Variants in CR1L observed in about 807,000 individuals in gnomAD.
CR1L encodes the protein complement component receptor 1-like protein.
Under a neutral mutation model 62.3 loss-of-function variants are expected in CR1L, and 59 were observed. That is an observed-to-expected ratio of 0.95 (90% CI 0.77 to 1.18). The LOEUF (loss-of-function observed/expected upper bound fraction) is 1.18, where lower values mean the gene tolerates loss of function less well. Among genes scored for constraint, CR1L ranks in the 50% most tolerant of loss-of-function variants. The probability of loss-of-function intolerance (pLI) is 0.00; values close to 1 mark genes in which losing one functional copy is unlikely to be tolerated. For synonymous variants in CR1L, 279 were observed against 248.7 expected, an observed-to-expected ratio of 1.12 and a Z score of -1.15; for missense variants, 700 against 702.8, an observed-to-expected ratio of 1.00 and a Z score of 0.04.
intron 4 of CR1L, among the ~76,000 whole-genome samples, chr1:207,685,741 T>C (rs1411720810): frequency 1.3e-5 from 2 of 152,102 alleles, no homozygotes; most frequent in Admixed American, 6.5e-5. Flanking sequence ...GTGAATGTTT[T>C]TCTCAAGCCT....
At chr1:207,703,271 A>G (rs1226190124) in intron 9 of CR1L, among the ~76,000 whole-genome samples, 1 of 152,218 alleles carries the variant, frequency 6.6e-6, no homozygotes, top group Non-Finnish European at 1.5e-5. Flanking sequence ...CCTGGGTTCA[A>G]AGCTTCAAAG....
chr1:207,690,867 C>T (rs558606263), intron 4 of CR1L, among the ~76,000 whole-genome samples: 1 of 152,270 alleles, frequency 6.6e-6, no homozygotes, highest in South Asian at 2.1e-4. Context: ...TGTGTGTGTC[C>T]TTTGCTCTTC....
chr1:207,714,417 A>G (rs968841189), intron 10 of CR1L, among the ~76,000 whole-genome samples: 2 of 152,214 alleles, frequency 1.3e-5, no homozygotes, highest in African/African-American at 4.8e-5. Context: ...TTCTCAAGCC[A>G]GTCCATGGAT....
At chr1:207,652,371 C>CA (rs1396715135) in intron 1 of CR1L, among the ~76,000 whole-genome samples, 1 of 152,218 alleles carries the variant, frequency 6.6e-6, no homozygotes, top group African/African-American at 2.4e-5. Context: ...TTAAAACATG[C>CA]AAATCCCATT....
intron 1 of CR1L, among the ~76,000 whole-genome samples, chr1:207,672,919 A>G (rs953957884): frequency 6.6e-6 from 1 of 152,168 alleles, no homozygotes; most frequent in African/African-American, 2.4e-5. Context: ...GACAGGCAAC[A>G]TCAAAACTGT....
intron 1 of CR1L, chr1:207,657,440 T>C (rs1663334833): frequency 5.3e-6 from 3 of 568,912 alleles, no homozygotes; most frequent in Non-Finnish European, 9.4e-6. Context: ...TTGGATCTAA[T>C]TTATTTTAAT....
chr1:207,662,734 T>A (rs6687863), intron 1 of CR1L, among the ~76,000 whole-genome samples: 83,042 of 151,940 alleles, frequency 0.55, 23,183 homozygotes, highest in East Asian at 0.68. Flanking sequence ...TGATTTTTAG[T>A]GTTTCCAGTT....
At chr1:207,664,145 T>C (rs7512100) in intron 1 of CR1L, among the ~76,000 whole-genome samples, 82,896 of 152,062 alleles carry the variant, frequency 0.55, 23,067 homozygotes, top group East Asian at 0.68. Flanking sequence ...TTTGATATGA[T>C]GGAAGGGATT....
chr1:207,710,823 C>T (rs1664344879), intron 10 of CR1L: 1 of 1,482,336 alleles, frequency 6.7e-7, no homozygotes, highest in Non-Finnish European at 9.4e-7. Context: ...CTGCAAGTGA[C>T]ATGCATTGCT....
intron 1 of CR1L, among the ~76,000 whole-genome samples, chr1:207,647,967 G>T (rs540200685): frequency 6.6e-6 from 1 of 152,076 alleles, no homozygotes; most frequent in African/African-American, 2.4e-5. Context: ...CATACAGCCT[G>T]GGCATCATAA....
intron 10 of CR1L, 122 bp downstream of exon 10, chr1:207,708,385 C>T (rs1426774259): frequency 1.2e-5 from 15 of 1,273,786 alleles, no homozygotes; most frequent in South Asian, 2.8e-5. Flanking sequence ...TTGAAGAATC[C>T]AGTCATATCC....
At chr1:207,706,659 A>G (rs1404745991) in intron 9 of CR1L, among the ~76,000 whole-genome samples, 2 of 152,230 alleles carry the variant, frequency 1.3e-5, no homozygotes, top group African/African-American at 4.8e-5. Context: ...AAATTGTAGA[A>G]GATAGCACTT....
intron 1 of CR1L, chr1:207,652,748 G>T: frequency 1.4e-6 from 1 of 728,346 alleles, no homozygotes; most frequent in South Asian, 1.5e-5. Context: ...AAATAAACTA[G>T]CCTTTTTTTT....
chr1:207,723,574 T>C (rs763777555), intron 11 of CR1L, 44 bp from the exon 12 acceptor site: 3 of 1,475,410 alleles, frequency 2.0e-6, no homozygotes, highest in South Asian at 1.2e-5. Context: ...TCAATCATGT[T>C]GCATGCCAGA....
chr1:207,697,886 T>C lies in CR1L; in HGVS notation c.1142+13T>C, dbSNP rs377666472. 6.2e-7 allele frequency: 1 copy of C among 1,613,398 alleles called. No homozygotes were observed. The highest frequency in any genetic ancestry group is 1.3e-5 in the African/African-American group (1 of 74,838). On this transcript the variant is annotated intron_variant, in intron 7 of 11. Coordinates refer to ENST00000508064, the MANE Select transcript of CR1L (RefSeq NM_175710.2). ...TTTGTGATGAAGGGTGAGTATGAGC[T>C]TGCCTGACCTGCTGGACATTGAAAT...
chr1:207,661,938 G>A (rs1484492607), intron 1 of CR1L, among the ~76,000 whole-genome samples: 1 of 152,140 alleles, frequency 6.6e-6, no homozygotes, highest in Admixed American at 6.5e-5. Context: ...ATTCTGGGTT[G>A]AAAATTCTTT....
chr1:207,683,953 T>C lies in CR1L; in HGVS notation c.459T>C (p.Cys153=). 6.2e-7 allele frequency: 1 copy of C among 1,612,200 alleles called. No homozygotes were observed. The highest frequency in any genetic ancestry group is 8.5e-7 in the Non-Finnish European group (1 of 1,178,640). The change falls in exon 4 of 12, where the codon TGT becomes TGC. Residue 153 remains cysteine (C), a synonymous_variant. Transcript: ENST00000508064. ...TTTGGGATAATAAAACACCTGTTTGTGACAGTGAGTTGAAATATGCATTCC... is the reference window on the plus strand; with the variant it reads ...TTTGGGATAATAAAACACCTGTTTGCGACAGTGAGTTGAAATATGCATTCC... ...TVIWDNKTPV[C]DRIICGLPPT...
At chr1:207,657,102 C>T in intron 1 of CR1L, 1 of 663,596 alleles carries the variant, frequency 1.5e-6, no homozygotes. Context: ...CATTTCTTTC[C>T]TCTTTTTCTT....
intron 9 of CR1L, among the ~76,000 whole-genome samples, chr1:207,702,116 A>C (rs1380231361): frequency 3.3e-5 from 5 of 152,168 alleles, no homozygotes; most frequent in Non-Finnish European, 7.3e-5. Context: ...TCATTTATCC[A>C]ACAGTGTGTG....
Sources: gnomAD v4.1 joint callset for allele counts (sites outside exome capture counted in the v4.1 genomes callset) on GRCh38, gnomAD v4.1.1 for gene constraint, MANE v1.5 for transcripts, NCBI Gene and HGNC (gene_info 2026-07-23, HGNC 2026-07-21) for gene names.